The following NRG3 variants were observed in gnomAD, a reference collection of about 807,000 sequenced individuals.
NRG3 encodes neuregulin 3.
A neutral mutation model predicts 66.9 loss-of-function variants in NRG3; 31 were observed. The observed-to-expected ratio is 0.46, with a 90% confidence interval of 0.35 to 0.63. NRG3 has a LOEUF of 0.63. Among genes scored for constraint, NRG3 ranks in the 20% least tolerant of loss-of-function variants. The pLI is 0.00. For missense variants in NRG3, 910 were observed against 878.9 expected (o/e 1.04, Z -0.45); for synonymous variants, 393 against 359.4 (o/e 1.09, Z -1.06).
chr10:81,933,891 A>G (rs761286825), intron 1 of NRG3, among the ~76,000 whole-genome samples: 2 of 152,196 alleles, frequency 1.3e-5, no homozygotes, highest in African/African-American at 2.4e-5. Flanking sequence ...CAATAATGGC[A>G]TGGTGAAGAT....
intron 2 of NRG3, among the ~76,000 whole-genome samples, chr10:82,370,942 C>T (rs918201032): frequency 1.2e-4 from 17 of 146,868 alleles, no homozygotes; most frequent in Non-Finnish European, 1.9e-4. Flanking sequence ...TTAAAATCCA[C>T]CTTACAAACA....
intron 3 of NRG3, among the ~76,000 whole-genome samples, chr10:82,755,617 T>C (rs2059045697): frequency 6.6e-6 from 1 of 152,062 alleles, no homozygotes; most frequent in Admixed American, 6.6e-5. Context: ...TCCTCAGAGA[T>C]AGGGAGAATT....
chr10:81,904,167 G>A (rs1844366568), intron 1 of NRG3, among the ~76,000 whole-genome samples: 1 of 151,722 alleles, frequency 6.6e-6, no homozygotes, highest in Non-Finnish European at 1.5e-5. Context: ...GCAACACCAT[G>A]CCTGGCTAAT....
rs184663366 is a variant in NRG3 at position 82,402,681 on chromosome 10, A to G, written c.953+43813A>G. 6.5e-3 allele frequency among the ~76,000 whole-genome samples: 985 copies of G among 152,246 alleles called. 11 individuals are homozygous for G. Among genetic ancestry groups the G allele is most frequent in the African/African-American group, 0.023 (948 of 41,560 alleles). On this transcript the variant is annotated intron_variant, in intron 2 of 8. Coordinates refer to ENST00000372141, the MANE Select transcript of NRG3 (RefSeq NM_001010848.4). ...CTTTTTATAATATCCTCTTTTACCTAAATTTTAAAAGAAATCAATAAAACT... is the reference window on the plus strand; with the variant it reads ...CTTTTTATAATATCCTCTTTTACCTGAATTTTAAAAGAAATCAATAAAACT...
intron 3 of NRG3, among the ~76,000 whole-genome samples, chr10:82,801,778 A>G (rs1027631765): frequency 2.0e-5 from 3 of 152,168 alleles, no homozygotes; most frequent in Admixed American, 6.5e-5. Flanking sequence ...GGATATATTC[A>G]CTTGCCCCTG....
chr10:81,963,553 C>T (rs990168970), intron 1 of NRG3, among the ~76,000 whole-genome samples: 1 of 152,158 alleles, frequency 6.6e-6, no homozygotes, highest in Non-Finnish European at 1.5e-5. Context: ...ATTTTAATTA[C>T]GTTTGTTGTC....
At chr10:82,314,605 G>A (rs113091172) in intron 1 of NRG3, among the ~76,000 whole-genome samples, 14 of 152,094 alleles carry the variant, frequency 9.2e-5, no homozygotes, top group Non-Finnish European at 1.3e-4. Flanking sequence ...TCAGGAGATC[G>A]AGACCATCCT....
intron 3 of NRG3, among the ~76,000 whole-genome samples, chr10:82,808,819 C>A (rs2061386636): frequency 6.6e-6 from 1 of 152,128 alleles, no homozygotes; most frequent in African/African-American, 2.4e-5. Context: ...TATATGGCTC[C>A]TGCCATAATA....
intron 2 of NRG3, among the ~76,000 whole-genome samples, chr10:82,638,497 G>A (rs954957070): frequency 6.6e-5 from 10 of 152,154 alleles, no homozygotes; most frequent in African/African-American, 2.4e-4. Context: ...GGTTTGACCT[G>A]GAGGCCGAAA....
intron 1 of NRG3, among the ~76,000 whole-genome samples, chr10:82,299,616 T>G (rs1219129795): frequency 6.6e-6 from 1 of 152,034 alleles, no homozygotes; most frequent in African/African-American, 2.4e-5. Context: ...TGAAACAAAG[T>G]CATACTAATT....
At chr10:82,175,405 C>T (rs1218704841) in intron 1 of NRG3, among the ~76,000 whole-genome samples, 1 of 152,174 alleles carries the variant, frequency 6.6e-6, no homozygotes, top group Non-Finnish European at 1.5e-5. Context: ...ATCACCTTGA[C>T]CTACCATCTC....
chr10:82,066,324 A>T (rs2064460569), intron 1 of NRG3, among the ~76,000 whole-genome samples: 1 of 152,234 alleles, frequency 6.6e-6, no homozygotes, highest in Non-Finnish European at 1.5e-5. Context: ...TGTATTATAT[A>T]TGCATAAATT....
chr10:82,105,409 G>A (rs895359186), intron 1 of NRG3, among the ~76,000 whole-genome samples: 1 of 152,178 alleles, frequency 6.6e-6, no homozygotes, highest in African/African-American at 2.4e-5. Flanking sequence ...AGTTTGAGTA[G>A]TATCAGAGGT....
chr10:82,845,177 A>T (rs978452871), intron 3 of NRG3, among the ~76,000 whole-genome samples: 1 of 152,192 alleles, frequency 6.6e-6, no homozygotes, highest in Non-Finnish European at 1.5e-5. Flanking sequence ...AAAATAAAAA[A>T]TAAAGGGCTT....
At chr10:82,570,558 C>T (rs4625403) in intron 2 of NRG3, among the ~76,000 whole-genome samples, 14,569 of 151,372 alleles carry the variant, frequency 0.096, 914 homozygotes, top group South Asian at 0.22. Context: ...TGTTTTTTAA[C>T]TGTGTATTGA....
intron 1 of NRG3, among the ~76,000 whole-genome samples, chr10:81,912,048 C>A (rs1845220749): frequency 6.6e-6 from 1 of 152,072 alleles, no homozygotes; most frequent in Non-Finnish European, 1.5e-5. Flanking sequence ...CAGAAAAAAA[C>A]AATCACCGTT....
chr10:82,737,319 C>G (rs890696284), intron 2 of NRG3, among the ~76,000 whole-genome samples: 3 of 152,032 alleles, frequency 2.0e-5, no homozygotes, highest in African/African-American at 7.2e-5. Flanking sequence ...CAATTTGGCT[C>G]ACAATGAAAG....
chr10:81,979,542 T>G (rs2060257132), intron 1 of NRG3, among the ~76,000 whole-genome samples: 1 of 152,238 alleles, frequency 6.6e-6, no homozygotes, highest in Non-Finnish European at 1.5e-5. Context: ...TTGTCCCACT[T>G]AATTTCCTTT....
chr10:82,112,463 G>A (rs2067445505), intron 1 of NRG3, among the ~76,000 whole-genome samples: 1 of 152,082 alleles, frequency 6.6e-6, no homozygotes, highest in African/African-American at 2.4e-5. Flanking sequence ...CGATTTTATG[G>A]GCAATAGCTG....
Sources: allele counts gnomAD v4.1 joint callset (sites outside exome capture counted in the v4.1 genomes callset), GRCh38; gene constraint gnomAD v4.1.1; transcripts MANE v1.5; gene names NCBI Gene and HGNC (gene_info 2026-07-23, HGNC 2026-07-21).